POM121: variants seen among roughly 807,000 people sequenced by gnomAD.
The protein encoded by POM121 is nuclear envelope pore membrane protein POM 121.
A neutral mutation model predicts 81.3 loss-of-function variants in POM121; 32 were observed. That is an observed-to-expected ratio of 0.39 (90% CI 0.30 to 0.53). POM121 has a LOEUF of 0.53. Ranked by LOEUF, POM121 falls within the 20% of genes least tolerant of loss-of-function variation. The pLI, the probability that POM121 is intolerant of heterozygous loss-of-function variation, is 0.66. For missense variants in POM121, 1,138 were observed against 1,614.6 expected (o/e 0.70, Z 5.06); for synonymous variants, 514 against 694.2 (o/e 0.74, Z 4.08).
Position 72,943,078 on chromosome 7 carries a change from A to G in POM121, c.3085A>G (p.Ile1029Val), listed in dbSNP as rs782184748. 1.2e-5 allele frequency: 19 copies of G among 1,613,610 alleles called. No homozygotes were observed. The highest frequency in any genetic ancestry group is 2.7e-5 in the African/African-American group (2 of 74,910). The stretch of plus-strand genomic sequence containing the variant: ...GTACGTGCCTACGCCCATCCATCCT[A>G]TCTTTGGCGGTGCCACGCACTCGGC... Reference protein sequence around the residue: ...PAYVPTPIHPIFGGATHSAFG... With the variant: ...PAYVPTPIHPVFGGATHSAFG... The change falls in exon 11 of 13, where the codon ATC becomes GTC. Residue 1029 changes from isoleucine (I) to valine (V), a missense_variant. Ile to Val is a conservative substitution (Grantham distance 29). Transcript: ENST00000434423.
intron 5 of POM121, among the ~76,000 whole-genome samples, chr7:72,930,777 TG>T (rs1194900101): frequency 6.6e-6 from 1 of 152,096 alleles, no homozygotes; most frequent in African/African-American, 2.4e-5. Context: ...GAGAACCTCT[TG>T]AGTCCAGGAG....
chr7:72,910,740 C>T (rs1280062488), intron 3 of POM121, among the ~76,000 whole-genome samples: 2 of 151,862 alleles, frequency 1.3e-5, no homozygotes, highest in African/African-American at 2.4e-5. Context: ...GGCACTGTCC[C>T]GCAGGGCCGC....
chr7:72,929,727 A>G (rs1795829463), intron 4 of POM121, among the ~76,000 whole-genome samples: 1 of 152,196 alleles, frequency 6.6e-6, no homozygotes. Context: ...ATTTTCCAGA[A>G]TATTCTATAA....
At chr7:72,915,745 T>C (rs1238960711) in intron 4 of POM121, among the ~76,000 whole-genome samples, 2 of 152,196 alleles carry the variant, frequency 1.3e-5, no homozygotes, top group Non-Finnish European at 2.9e-5. Flanking sequence ...TGATCCAGGC[T>C]CACTGCAACC....
chr7:72,922,246 G>T (rs1794881636), upstream of POM121, among the ~76,000 whole-genome samples: 1 of 152,048 alleles, frequency 6.6e-6, no homozygotes, highest in Non-Finnish European at 1.5e-5. Context: ...TTTAAAAATT[G>T]GGTTATCTTT....
intron 3 of POM121, among the ~76,000 whole-genome samples, chr7:72,909,763 T>G (rs1312083858): frequency 6.6e-6 from 1 of 152,164 alleles, no homozygotes; most frequent in Non-Finnish European, 1.5e-5. Flanking sequence ...CTCCTTCTTC[T>G]CAACCTCCTG....
rs1384728200 is a variant in POM121 at position 72,913,892 on chromosome 7, G to C, written c.-152+64G>C. On this transcript the variant is annotated intron_variant, in intron 4 of 15. Transcript: ENST00000395270. ...GTAGCAGATGCTGTTTTCTGCAGGT[G>C]GCCACAGCCCTATCTCCCATCCCAC... 8 of 152,170 alleles carry C rather than the reference G, an allele frequency of 5.3e-5. No individual in the cohort carries two copies. The East Asian group carries it at 1.3e-3, about 26-fold the overall frequency. The allele number at this position is 152,170 out of a possible 1,614,324, so 9.4% of individuals were successfully genotyped here. A position where few individuals can be genotyped will look rare whatever the true frequency, so the allele number is the denominator to read the frequency against.
downstream of POM121, chr7:72,949,530 A>C (rs1174324150): frequency 1.1e-6 from 1 of 922,040 alleles, no homozygotes; most frequent in Non-Finnish European, 1.7e-6. Flanking sequence ...CTGAGCATGC[A>C]TGGAGCAGCT....
At chr7:72,891,069 T>C in exon 3 of POM121, 1 of 1,044,566 alleles carries the variant, frequency 9.6e-7, no homozygotes, top group South Asian at 1.4e-5. Flanking sequence ...GGAGAGGAGC[T>C]GTGGATAACG....
chr7:72,917,657 G>C (rs1554495301), intron 4 of POM121, among the ~76,000 whole-genome samples: 1 of 152,234 alleles, frequency 6.6e-6, no homozygotes, highest in East Asian at 1.9e-4. Context: ...GAGGCCAGAA[G>C]TCAAAGATCA....
At chr7:72,913,977 CTT>C (rs1426005578) in intron 4 of POM121, 3 of 152,232 alleles carry the variant, frequency 2.0e-5, no homozygotes, top group Non-Finnish European at 2.9e-5. Flanking sequence ...GGTTATGTCT[CTT>C]TTCTTTGAGC....
intron 5 of POM121, among the ~76,000 whole-genome samples, chr7:72,931,179 G>T (rs531074231): frequency 1.3e-5 from 2 of 152,232 alleles, no homozygotes; most frequent in South Asian, 4.1e-4. Flanking sequence ...TTAATATCTA[G>T]TTATTATTTT....
rs782460074 is a variant in POM121 at position 72,943,103 on chromosome 7, C to T, written c.3110C>T (p.Ala1037Val). 8 of 1,613,362 alleles carry T rather than the reference C, an allele frequency of 5.0e-6. No homozygotes were observed. Among genetic ancestry groups the T allele is most frequent in the Admixed American group, 3.3e-5 (2 of 59,870 alleles). The change falls in exon 11 of 13, where the codon GCG becomes GTG. Residue 1037 changes from alanine (A) to valine (V), a missense_variant. By Grantham distance (64) the Ala-to-Val change is moderately conservative (BLOSUM62 0). This residue lies in a region of POM121 where 336 missense variants were observed against 344.3 expected (regional missense o/e 0.98). Transcript: ENST00000434423. ...HPIFGGATHS[A>V]FGLKATASAF... ...ATCTTTGGCGGTGCCACGCACTCGG[C>T]GTTTGGGTTGAAAGCCACGGCTTCG... is the stretch of plus-strand genomic sequence containing the variant.
upstream of POM121, chr7:72,924,971 G>A (rs782253964): frequency 4.6e-5 from 58 of 1,270,448 alleles, no homozygotes; most frequent in Middle Eastern, 2.9e-4. Context: ...AAAGGCAGGC[G>A]GCATTTTCCA....
intron 11 of POM121, among the ~76,000 whole-genome samples, chr7:72,943,897 G>A (rs1486606168): frequency 1.3e-5 from 2 of 152,194 alleles, no homozygotes; most frequent in Admixed American, 6.5e-5. Flanking sequence ...AAAATTAGCC[G>A]GGCGTGGTGG....
At chr7:72,884,512 TACATATA>T (rs1180907237) in intron 1 of POM121, among the ~76,000 whole-genome samples, 39 of 97,034 alleles carry the variant, frequency 4.0e-4, no homozygotes, top group South Asian at 2.8e-4. Context: ...AGCAAATATA[TACATATA>T]ATATATATTT....
chr7:72,949,852 T>C, downstream of POM121: 2 of 1,556,174 alleles, frequency 1.3e-6, no homozygotes, highest in Non-Finnish European at 1.8e-6. Context: ...TCACCCTTGG[T>C]TCTTCAGAAG....
At chr7:72,882,977 T>C (rs567602511) in intron 1 of POM121, among the ~76,000 whole-genome samples, 2 of 152,324 alleles carry the variant, frequency 1.3e-5, no homozygotes, top group Non-Finnish European at 2.9e-5. Flanking sequence ...TTTCTTGGCT[T>C]TTAAAAAGAT....
rs1253876194 is a variant in POM121, at chr7:72,925,223, G to A, written c.102G>A (p.Ala34=). ...GGGGCTGCGGCGGGCCGGCCAGGGC[G>A]GTGCTCCTGGGCCTGTCGCTGGTTG... The part of the protein sequence containing the change: ...RGRGCGGPAR[A]VLLGLSLVGL... Residue 34 remains alanine, a synonymous_variant, in exon 1 of 13, where the codon GCG becomes GCA. Coordinates refer to ENST00000434423, the MANE Select transcript of POM121 (RefSeq NM_001387691.1). 4.1e-5 allele frequency: 63 copies of A among 1,530,962 alleles called. No homozygotes were observed. The highest frequency in any genetic ancestry group is 5.2e-5 in the Non-Finnish European group (60 of 1,145,060). 94.8% of individuals were successfully genotyped at this position (1,530,962 alleles called of 1,614,324 possible).
Sources: gnomAD v4.1 joint callset for allele counts (sites outside exome capture counted in the v4.1 genomes callset) on GRCh38, gnomAD v4.1.1 for gene constraint, gnomAD v4.1.1 regional missense constraint, MANE v1.5 for transcripts, NCBI Gene and HGNC (gene_info 2026-07-23, HGNC 2026-07-21) for gene names.